The following HEXB variants were observed in gnomAD, a reference collection of about 807,000 sequenced individuals.
HEXB encodes hexosaminidase subunit beta.
Under a neutral mutation model 71.2 loss-of-function variants are expected in HEXB, and 51 were observed. That is an observed-to-expected ratio of 0.72 (90% CI 0.57 to 0.90). The LOEUF is 0.90. Among genes scored for constraint, HEXB ranks in the 40% least tolerant of loss-of-function variants. The pLI is 0.00. For synonymous variants in HEXB, 266 were observed against 249.3 expected (o/e 1.07, Z -0.63); for missense variants, 617 against 677.0 (o/e 0.91, Z 0.98).
rs1275011771 is a variant in HEXB, at chr5:74,710,585, CAA to C, written c.772-2919_772-2918del. On this transcript the variant is annotated intron_variant, in intron 6 of 13. Transcript: ENST00000261416. ...TCCTTAAGCTGATAAGCAAATTCAG[CAA>C]AGTCTCAGGATACAAAATCAATGTG... is the stretch of plus-strand genomic sequence containing the variant. 2.0e-5 allele frequency among the ~76,000 whole-genome samples: 3 copies of C among 152,160 alleles called. No homozygotes were observed. The East Asian group carries it at 5.8e-4, about 29-fold the overall frequency.
intron 6 of HEXB, among the ~76,000 whole-genome samples, chr5:74,706,796 G>C (rs1749406212): frequency 6.6e-6 from 1 of 152,204 alleles, no homozygotes; most frequent in Admixed American, 6.5e-5. Flanking sequence ...CAGCCGGGAA[G>C]CTCCACCTGG....
At chr5:74,649,376 CTAG>C (rs1465408093) in intron 1 of HEXB, among the ~76,000 whole-genome samples, 1 of 152,210 alleles carries the variant, frequency 6.6e-6, no homozygotes, top group African/African-American at 2.4e-5. Flanking sequence ...GGTCTTGGAG[CTAG>C]TAACAATGAC....
intron 9 of HEXB, among the ~76,000 whole-genome samples, chr5:74,717,176 CTCAATCAA>C (rs550573223): frequency 1.9e-4 from 29 of 152,122 alleles, no homozygotes; most frequent in African/African-American, 6.5e-4. Flanking sequence ...GTGAGACTGT[CTCAATCAA>C]TCAATCAATC....
intron 1 of HEXB, among the ~76,000 whole-genome samples, chr5:74,664,720 G>A (rs1191936393): frequency 6.6e-6 from 1 of 152,070 alleles, no homozygotes; most frequent in Non-Finnish European, 1.5e-5. Flanking sequence ...TCAGAAGGAG[G>A]GAGAGAGGGA....
intron 1 of HEXB, among the ~76,000 whole-genome samples, chr5:74,665,279 A>G (rs569110557): frequency 2.6e-5 from 4 of 152,392 alleles, no homozygotes; most frequent in South Asian, 2.1e-4. Context: ...TGAAAAGTAC[A>G]TAAGTAAACA....
intron 11 of HEXB, 48 bp downstream of exon 11, chr5:74,719,019 T>A (rs369502853): frequency 6.3e-7 from 1 of 1,578,742 alleles, no homozygotes; most frequent in South Asian, 1.1e-5. Context: ...GTGAAGCTGA[T>A]GGTAAGTGAA....
At chr5:74,710,370 C>A (rs1286467352) in intron 6 of HEXB, among the ~76,000 whole-genome samples, 3 of 152,152 alleles carry the variant, frequency 2.0e-5, no homozygotes, top group Non-Finnish European at 2.9e-5. Context: ...CCCTTTGAAA[C>A]CTGGCACAAG....
chr5:74,676,368 T>A (rs990150100), intron 1 of HEXB, among the ~76,000 whole-genome samples: 18 of 152,142 alleles, frequency 1.2e-4, no homozygotes, highest in African/African-American at 4.1e-4. Context: ...CTCAAACTCC[T>A]GGCCTCAAGC....
chr5:74,644,640 GTC>G (rs991828456), intron 1 of HEXB, among the ~76,000 whole-genome samples: 3 of 151,878 alleles, frequency 2.0e-5, no homozygotes, highest in African/African-American at 7.3e-5. Context: ...AAGACAAAGG[GTC>G]TAAATCGATA....
Position 74,718,841 on chromosome 5 carries a change from T to G in HEXB, c.1287T>G (p.Tyr429Ter), listed in dbSNP as rs1749739842. Residue 429 changes from tyrosine (Y) to a stop codon, truncating the protein, a stop_gained, in exon 11 of 14, where the codon TAT (tyrosine) becomes TAG (stop). Coordinates refer to ENST00000261416, the MANE Select transcript of HEXB (RefSeq NM_000521.4). LOFTEE classifies it high-confidence loss of function. ...TTGAAGTATGGAAAGACAGCGCATA[T>G]CCTGAGGAACTCAGTAGAGTCACAG... Reference protein sequence around the residue: ...TIVEVWKDSAYPEELSRVTAS... With the variant: ...TIVEVWKDSA 6.2e-7 allele frequency: 1 copy of G among 1,614,080 alleles called. No individual in the cohort carries two copies. The highest frequency in any genetic ancestry group is 1.3e-5 in the African/African-American group (1 of 74,950).
intron 1 of HEXB, among the ~76,000 whole-genome samples, chr5:74,657,759 A>C (rs1748247939): frequency 6.6e-6 from 1 of 152,168 alleles, no homozygotes; most frequent in African/African-American, 2.4e-5. Context: ...GTTTCTAAAG[A>C]TCTCTGTGTC....
chr5:74,645,507 G>C (rs922715975), intron 1 of HEXB, among the ~76,000 whole-genome samples: 1 of 152,214 alleles, frequency 6.6e-6, no homozygotes, highest in Non-Finnish European at 1.5e-5. Context: ...AAGCACCACT[G>C]TTCGTGTTGA....
intron 1 of HEXB, among the ~76,000 whole-genome samples, chr5:74,663,723 C>T (rs946190805): frequency 6.6e-6 from 1 of 152,134 alleles, no homozygotes; most frequent in South Asian, 2.1e-4. Context: ...ACATATAGAT[C>T]AAGGGGAAAG....
intron 6 of HEXB, among the ~76,000 whole-genome samples, chr5:74,707,731 T>C (rs964884490): frequency 2.6e-5 from 4 of 151,548 alleles, no homozygotes; most frequent in African/African-American, 9.7e-5. Context: ...AGAAGGGAAG[T>C]TTAGAGAAAA....
rs145901238 is a variant in HEXB, at chr5:74,720,231, A to G, written c.1418-197A>G. 452 of 606,328 alleles carry G rather than the reference A, an allele frequency of 7.5e-4. No homozygotes were observed. In the African/African-American group the frequency reaches 7.6e-3, roughly 10 times the overall value. The allele number at this position is 606,328 out of a possible 1,614,324, so 37.6% of individuals were successfully genotyped here. A position where few individuals can be genotyped will look rare whatever the true frequency, so the allele number is the denominator to read the frequency against. On this transcript the variant is annotated intron_variant, in intron 11 of 13. Transcript: ENST00000261416. ...GTCAGGGCTGGGGATAAAGTTTGCA[A>G]CCATTTTTTTGGGGGGTGGGGGAAG...
At chr5:74,644,821 G>A (rs1267766106) in intron 1 of HEXB, among the ~76,000 whole-genome samples, 1 of 123,996 alleles carries the variant, frequency 8.1e-6, no homozygotes, top group African/African-American at 3.1e-5. Context: ...GCCCAGGCTG[G>A]AGTGCAGTGG....
At position 74,685,457 on chromosome 5, in the gene HEXB, C is replaced by G; in HGVS notation, c.197C>G (p.Thr66Ser). 6.2e-7 allele frequency: 1 copy of G among 1,611,916 alleles called. No individual in the cohort carries two copies. The highest frequency in any genetic ancestry group is 8.5e-7 in the Non-Finnish European group (1 of 1,179,342). ...CCCCTGCCGCTCTTGGTGAAGATGACCCCGAACCTGCTGCATCTCGCCCCG... is the reference window on the plus strand; with the variant it reads ...CCCCTGCCGCTCTTGGTGAAGATGAGCCCGAACCTGCTGCATCTCGCCCCG... ...LWPLPLLVKM[T>S]PNLLHLAPEN... The change falls in exon 1 of 14, where the codon ACC (threonine) becomes AGC (serine). Residue 66 changes from threonine to serine, a missense_variant. Thr to Ser is a moderately conservative substitution (Grantham distance 58). Coordinates refer to ENST00000261416, the MANE Select transcript of HEXB (RefSeq NM_000521.4).
At chr5:74,649,725 T>G (rs1410530165) in intron 1 of HEXB, among the ~76,000 whole-genome samples, 10 of 152,228 alleles carry the variant, frequency 6.6e-5, no homozygotes, top group Admixed American at 5.9e-4. Flanking sequence ...TATAGTTGTG[T>G]TTTTTTAATC....
intron 5 of HEXB, among the ~76,000 whole-genome samples, chr5:74,702,720 C>T (rs2112152126): frequency 6.6e-6 from 1 of 152,326 alleles, no homozygotes; most frequent in South Asian, 2.1e-4. Flanking sequence ...ATCCAGCGTT[C>T]ACTCACTAGT....
Sources: allele counts gnomAD v4.1 joint callset (sites outside exome capture counted in the v4.1 genomes callset), GRCh38; gene constraint gnomAD v4.1.1; transcripts MANE v1.5; gene names NCBI Gene and HGNC (gene_info 2026-07-23, HGNC 2026-07-21).